Variants in ADK observed in about 807,000 individuals in gnomAD.
The protein encoded by ADK is adenosine kinase.
Under a neutral mutation model 44.7 loss-of-function variants are expected in ADK, and 24 were observed. The ratio of observed to expected loss-of-function variants is 0.54; its 90% CI spans 0.39 to 0.76. ADK has a LOEUF of 0.76. Among genes scored for constraint, ADK ranks in the 30% least tolerant of loss-of-function variants. ADK has a pLI of 0.00. For synonymous variants in ADK, 128 were observed against 142.6 expected (o/e 0.90, Z 0.73); for missense variants, 321 against 425.1 (o/e 0.76, Z 2.15).
intron 4 of ADK, among the ~76,000 whole-genome samples, chr10:74,345,771 T>C (rs760001744): frequency 2.0e-5 from 3 of 152,256 alleles, no homozygotes; most frequent in Non-Finnish European, 4.4e-5. Flanking sequence ...GTGGAATCAG[T>C]AGACTATTTC....
At chr10:74,575,807 G>A (rs996545574) in intron 7 of ADK, among the ~76,000 whole-genome samples, 37 of 152,150 alleles carry the variant, frequency 2.4e-4, no homozygotes, top group African/African-American at 8.9e-4. Context: ...TCTAACAGTT[G>A]TGTGCAAGGA....
At chr10:74,169,250 G>C (rs1842105169) in intron 1 of ADK, among the ~76,000 whole-genome samples, 1 of 152,086 alleles carries the variant, frequency 6.6e-6, no homozygotes, top group African/African-American at 2.4e-5. Flanking sequence ...TATTTCATAA[G>C]GTTAGCAACA....
At chr10:74,187,050 A>G (rs1332393918) in intron 1 of ADK, among the ~76,000 whole-genome samples, 1 of 151,646 alleles carries the variant, frequency 6.6e-6, no homozygotes, top group Non-Finnish European at 1.5e-5. Context: ...CACTTTTTAC[A>G]TTCCCACCAG....
intron 10 of ADK, among the ~76,000 whole-genome samples, chr10:74,689,107 G>A (rs1422501521): frequency 6.6e-6 from 1 of 151,884 alleles, no homozygotes; most frequent in Admixed American, 6.6e-5. Flanking sequence ...AAATTAGCTG[G>A]GCGTGGTGGC....
chr10:74,593,730 G>A (rs1851800429), intron 8 of ADK, among the ~76,000 whole-genome samples: 1 of 152,170 alleles, frequency 6.6e-6, no homozygotes, highest in African/African-American at 2.4e-5. Flanking sequence ...GACTCAATGT[G>A]TGGAAACACT....
chr10:74,538,815 T>A (rs1849538286), intron 7 of ADK, among the ~76,000 whole-genome samples: 1 of 152,178 alleles, frequency 6.6e-6, no homozygotes, highest in Non-Finnish European at 1.5e-5. Flanking sequence ...ATGTTTCTAA[T>A]AGTTAATTAA....
chr10:74,352,517 A>G (rs1002345519), intron 4 of ADK, among the ~76,000 whole-genome samples: 1 of 152,220 alleles, frequency 6.6e-6, no homozygotes, highest in Non-Finnish European at 1.5e-5. Context: ...GGCATGGGCA[A>G]AGACTTCATG....
intron 9 of ADK, among the ~76,000 whole-genome samples, chr10:74,634,894 G>A (rs541324646): frequency 8.5e-5 from 13 of 152,164 alleles, no homozygotes; most frequent in African/African-American, 2.2e-4. Context: ...GCAATGAGCC[G>A]AGATAATGCC....
At chr10:74,376,611 C>T (rs1223159556) in intron 4 of ADK, among the ~76,000 whole-genome samples, 1 of 152,102 alleles carries the variant, frequency 6.6e-6, no homozygotes, top group Non-Finnish European at 1.5e-5. Flanking sequence ...ATATTATTCA[C>T]AATGGTAATT....
chr10:74,167,700 A>G (rs1463406982), intron 1 of ADK, among the ~76,000 whole-genome samples: 1 of 152,156 alleles, frequency 6.6e-6, no homozygotes, highest in Admixed American at 6.5e-5. Context: ...CATCACCTTC[A>G]CTATACACTA....
At chr10:74,622,128 G>A (rs938612443) in intron 9 of ADK, among the ~76,000 whole-genome samples, 1 of 152,006 alleles carries the variant, frequency 6.6e-6, no homozygotes, top group South Asian at 2.1e-4. Context: ...CTACTTTATT[G>A]TTTTCCCCTC....
At chr10:74,455,905 A>C (rs1845928003) in intron 6 of ADK, among the ~76,000 whole-genome samples, 2 of 152,236 alleles carry the variant, frequency 1.3e-5, no homozygotes, top group African/African-American at 4.8e-5. Flanking sequence ...TGGGTAACCC[A>C]ACCTTTCTCT....
At chr10:74,670,119 G>A (rs1855114641) in intron 9 of ADK, 64 bp from the exon 10 acceptor site, 2 of 1,249,660 alleles carry the variant, frequency 1.6e-6, no homozygotes, top group South Asian at 2.4e-5. Flanking sequence ...AGATGTTACT[G>A]GGTGAGCTTG....
intron 9 of ADK, among the ~76,000 whole-genome samples, chr10:74,637,530 G>A (rs1234620608): frequency 6.6e-6 from 1 of 152,170 alleles, no homozygotes; most frequent in Admixed American, 6.5e-5. Flanking sequence ...TATGCTGGAA[G>A]TCTATAATTA....
At chr10:74,332,951 A>G (rs1281345843) in intron 4 of ADK, among the ~76,000 whole-genome samples, 1 of 152,208 alleles carries the variant, frequency 6.6e-6, no homozygotes, top group Non-Finnish European at 1.5e-5. Context: ...ATTATTTTAG[A>G]TCATTTTAGA....
intron 4 of ADK, among the ~76,000 whole-genome samples, chr10:74,384,296 A>G (rs1843070258): frequency 6.6e-6 from 1 of 152,170 alleles, no homozygotes; most frequent in Admixed American, 6.5e-5. Flanking sequence ...AGCCAAGAAA[A>G]CAGTCTTGAA....
intron 4 of ADK, among the ~76,000 whole-genome samples, chr10:74,315,077 GTA>G (rs1414135048): frequency 1.3e-5 from 2 of 151,914 alleles, no homozygotes; most frequent in Non-Finnish European, 2.9e-5. Flanking sequence ...TAAGTTGAAA[GTA>G]TTTATTTTTT....
chr10:74,651,166 G>A (rs746750697), intron 9 of ADK, among the ~76,000 whole-genome samples: 9 of 152,094 alleles, frequency 5.9e-5, no homozygotes, highest in Admixed American at 2.6e-4. Context: ...GCCAAAATTC[G>A]GTATGGTATT....
At chr10:74,423,531 G>T in intron 6 of ADK, 1 of 209,436 alleles carries the variant, frequency 4.8e-6, no homozygotes, top group South Asian at 6.3e-5. Context: ...GGCTTATTAG[G>T]AATCTTCTTA....
Sources: allele counts gnomAD v4.1 joint callset (sites outside exome capture counted in the v4.1 genomes callset), GRCh38; gene constraint gnomAD v4.1.1; transcripts MANE v1.5; gene names NCBI Gene and HGNC (gene_info 2026-07-23, HGNC 2026-07-21).